Variants in CTNND2 observed in about 807,000 individuals in gnomAD.
CTNND2 encodes catenin delta-2.
A neutral mutation model predicts 144.4 loss-of-function variants in CTNND2; 22 were observed. The observed-to-expected ratio is 0.15, with a 90% CI of 0.11 to 0.22. The LOEUF is 0.22. CTNND2 is among the 10% of genes least tolerant of loss of function. The pLI is 1.00. For synonymous variants in CTNND2, 751 were observed against 695.6 expected (o/e 1.08, Z -1.25); for missense variants, 1,353 against 1,618.8 (o/e 0.84, Z 2.82).
At chr5:11,080,205 A>G (rs183953185) in intron 16 of CTNND2, among the ~76,000 whole-genome samples, 1 of 152,382 alleles carries the variant, frequency 6.6e-6, no homozygotes, top group Admixed American at 6.5e-5. Context: ...ACAAATGGCT[A>G]GCACATATAT....
At chr5:11,884,649 T>G (rs1398362448) in intron 1 of CTNND2, among the ~76,000 whole-genome samples, 1 of 152,174 alleles carries the variant, frequency 6.6e-6, no homozygotes, top group East Asian at 1.9e-4. Flanking sequence ...GGATGCACTT[T>G]ATTTTTTTCT....
At chr5:11,418,348 G>C (rs1022326823) in intron 3 of CTNND2, among the ~76,000 whole-genome samples, 2 of 152,150 alleles carry the variant, frequency 1.3e-5, no homozygotes, top group African/African-American at 4.8e-5. Context: ...AGAGGTTGCG[G>C]TGAGCCAAGA....
At chr5:11,662,229 ATATGTATATATATACATATATG>A (rs1783292818) in intron 2 of CTNND2, among the ~76,000 whole-genome samples, 2 of 139,062 alleles carry the variant, frequency 1.4e-5, no homozygotes, top group Non-Finnish European at 3.0e-5. Context: ...ATATGTGTAT[ATATGTATATATATACATATATG>A]TGTGTATATA....
chr5:11,541,098 AGCTTGAGAATATGGAGCCAG>A (rs1774690401), intron 3 of CTNND2, among the ~76,000 whole-genome samples: 1 of 152,168 alleles, frequency 6.6e-6, no homozygotes, highest in African/African-American at 2.4e-5. Flanking sequence ...GGAGAGCAGC[AGCTTGAGAATATGGAGCCAG>A]GCACTGCCCC....
intron 18 of CTNND2, among the ~76,000 whole-genome samples, chr5:10,993,920 TAA>T (rs1738991191): frequency 1.3e-5 from 2 of 151,922 alleles, no homozygotes; most frequent in South Asian, 4.2e-4. Flanking sequence ...CTTAAAAGTC[TAA>T]ATATTATCAG....
At chr5:11,523,827 G>A (rs1772973817) in intron 3 of CTNND2, among the ~76,000 whole-genome samples, 1 of 152,090 alleles carries the variant, frequency 6.6e-6, no homozygotes, top group Admixed American at 6.6e-5. Context: ...ACTCTGCCCT[G>A]GCCAGGGCTT....
rs769073186 is a variant in CTNND2, at chr5:11,774,550, TA to T, written c.38-42279del. 0.018 allele frequency among the ~76,000 whole-genome samples: 446 copies of T among 24,412 alleles called. 15 individuals carry two copies. The Middle Eastern group carries it at 0.32, about 17-fold the overall frequency. The allele number at this position is 24,412 out of a possible 152,430, so 16.0% of individuals were successfully genotyped here. Reference sequence around the variant, plus strand: ...ATGTACCCTAAAACTTAAAGTATAATAAAAAAAAATTAAAAAAAAAAACAAT... The same window carrying T: ...ATGTACCCTAAAACTTAAAGTATAATAAAAAAAATTAAAAAAAAAAACAAT... On this transcript the variant is annotated intron_variant, in intron 1 of 21. Coordinates refer to ENST00000304623, the MANE Select transcript of CTNND2 (RefSeq NM_001332.4).
intron 1 of CTNND2, among the ~76,000 whole-genome samples, chr5:11,858,720 G>A (rs1325339308): frequency 6.6e-6 from 1 of 152,172 alleles, no homozygotes; most frequent in African/African-American, 2.4e-5. Context: ...ACGAGGTCAG[G>A]AGATGGAGAC....
intron 1 of CTNND2, among the ~76,000 whole-genome samples, chr5:11,868,804 G>A (rs1795895811): frequency 6.6e-6 from 1 of 152,144 alleles, no homozygotes; most frequent in Admixed American, 6.6e-5. Flanking sequence ...CCACAGCCTT[G>A]GGACCATGCA....
intron 1 of CTNND2, among the ~76,000 whole-genome samples, chr5:11,897,755 A>G (rs1343716191): frequency 2.6e-5 from 4 of 152,220 alleles, no homozygotes; most frequent in Non-Finnish European, 4.4e-5. Context: ...GTGTCAAAAT[A>G]CCATGAAATA....
At position 11,129,209 on chromosome 5, in the gene CTNND2, T is replaced by TTTA. The variant is rs367590930; in HGVS notation, c.2160-11643_2160-11642insTAA. 1.0e-3 allele frequency among the ~76,000 whole-genome samples: 28 copies of TTTA among 27,470 alleles called. 2 individuals carry two copies. The highest frequency in any genetic ancestry group is 8.7e-3 in the East Asian group (4 of 458). 18.0% of individuals were successfully genotyped at this position (27,470 alleles called of 152,430 possible). A position where few individuals can be genotyped will look rare whatever the true frequency, so the allele number is the denominator to read the frequency against. ...ATAATATATAATATATATTATATAT[T>TTTA]TATATATTATATATAAATATATATT... On this transcript the variant is annotated intron_variant, in intron 12 of 21. Transcript: ENST00000304623.
At chr5:11,625,396 T>TCTCTCC (rs1781102065) in intron 2 of CTNND2, among the ~76,000 whole-genome samples, 2 of 137,092 alleles carry the variant, frequency 1.5e-5, no homozygotes. Context: ...AAAATCTCTC[T>TCTCTCC]CTCTCTCTCT....
intron 9 of CTNND2, among the ~76,000 whole-genome samples, chr5:11,339,671 G>C (rs546213187): frequency 2.0e-4 from 30 of 152,142 alleles, no homozygotes; most frequent in Non-Finnish European, 4.3e-4. Flanking sequence ...GTTGGGAGGT[G>C]ACTAGGTTAT....
chr5:11,647,367 G>A (rs1487076133), intron 2 of CTNND2, among the ~76,000 whole-genome samples: 1 of 152,010 alleles, frequency 6.6e-6, no homozygotes, highest in African/African-American at 2.4e-5. Flanking sequence ...TGCTGTTCAG[G>A]AGAATCCACG....
intron 3 of CTNND2, among the ~76,000 whole-genome samples, chr5:11,555,275 G>T (rs1776129293): frequency 6.6e-6 from 1 of 152,160 alleles, no homozygotes; most frequent in South Asian, 2.1e-4. Flanking sequence ...CAGTTGACAA[G>T]GCTCAGCAAA....
intron 5 of CTNND2, among the ~76,000 whole-genome samples, chr5:11,411,226 G>A (rs1761504685): frequency 1.3e-5 from 2 of 152,074 alleles, no homozygotes; most frequent in African/African-American, 2.4e-5. Flanking sequence ...AATATATGAT[G>A]AGTTCATAAA....
intron 9 of CTNND2, among the ~76,000 whole-genome samples, chr5:11,253,855 C>A (rs1437047096): frequency 6.6e-6 from 1 of 152,306 alleles, no homozygotes; most frequent in East Asian, 1.9e-4. Context: ...CAATCAAAAT[C>A]TACTGGTTTG....
chr5:11,258,214 G>T (rs1744478150), intron 9 of CTNND2, among the ~76,000 whole-genome samples: 1 of 152,146 alleles, frequency 6.6e-6, no homozygotes, highest in African/African-American at 2.4e-5. Context: ...AACATATGCT[G>T]CATCTTCACA....
rs527982987 is a variant in CTNND2 at position 11,903,722 on chromosome 5, G to A, written c.37+95C>T. On this transcript the variant is annotated intron_variant, in intron 1 of 21. Coordinates refer to ENST00000304623, the MANE Select transcript of CTNND2 (RefSeq NM_001332.4). This position sits in a 1 kb window ranked among gnomAD's most constrained non-coding sequence, Gnocchi z 5.4. ...CAGCCGCCGCCGCCGCCTGCCGGCC[G>A]GGAGCCCAGGACCACCCCCACCAGC... The A allele has an allele frequency of 1.9e-5, 24 of 1,266,934 alleles. No homozygotes were observed. In the African/African-American group the frequency reaches 3.5e-4, roughly 18 times the overall value. 78.5% of individuals were successfully genotyped at this position (1,266,934 alleles called of 1,614,324 possible).
Sources: allele counts gnomAD v4.1 joint callset (sites outside exome capture counted in the v4.1 genomes callset), GRCh38; gene constraint gnomAD v4.1.1; non-coding constraint Gnocchi (gnomAD v3.1); transcripts MANE v1.5; gene names NCBI Gene and HGNC (gene_info 2026-07-23, HGNC 2026-07-21).